Variants in KCNIP4 observed in about 807,000 individuals in gnomAD.
KCNIP4 encodes the protein potassium voltage-gated channel interacting protein 4.
A neutral mutation model predicts 34.0 loss-of-function variants in KCNIP4; 12 were observed. The ratio of observed to expected loss-of-function variants is 0.35; its 90% CI spans 0.23 to 0.57. KCNIP4 has a LOEUF of 0.57. KCNIP4 is among the 20% of genes least tolerant of loss of function. KCNIP4 has a pLI of 0.83. For missense variants in KCNIP4, 238 were observed against 311.7 expected, an observed-to-expected ratio of 0.76 and a Z score of 1.78; for synonymous variants, 124 against 102.2, an observed-to-expected ratio of 1.21 and a Z score of -1.29.
intron 3 of KCNIP4, among the ~76,000 whole-genome samples, chr4:20,788,542 G>A (rs950803417): frequency 3.3e-5 from 5 of 152,098 alleles, no homozygotes; most frequent in African/African-American, 1.2e-4. Context: ...TCTCAGCACA[G>A]TAAACATGTA....
intron 1 of KCNIP4, among the ~76,000 whole-genome samples, chr4:21,200,378 G>GTATGTATATATATATACACACATATA (rs1553953278): frequency 1.9e-5 from 1 of 52,068 alleles, no homozygotes. Flanking sequence ...ATACATATAT[G>GTATGTATATATATATACACACATATA]TGTGTATATA....
intron 1 of KCNIP4, among the ~76,000 whole-genome samples, chr4:21,156,142 A>C (rs1753132362): frequency 6.6e-6 from 1 of 152,198 alleles, no homozygotes; most frequent in Admixed American, 6.6e-5. Flanking sequence ...CAGATGTTAC[A>C]GACTACATAG....
At chr4:21,452,115 T>C (rs1433157689) in intron 1 of KCNIP4, among the ~76,000 whole-genome samples, 5 of 152,052 alleles carry the variant, frequency 3.3e-5, no homozygotes, top group Non-Finnish European at 2.9e-5. Context: ...CACAGGGACG[T>C]AGGCACTGAG....
intron 1 of KCNIP4, among the ~76,000 whole-genome samples, chr4:21,362,770 A>G (rs1719359994): frequency 6.6e-6 from 1 of 152,116 alleles, no homozygotes; most frequent in African/African-American, 2.4e-5. Context: ...ATATTCTTGT[A>G]TATTGTTTAA....
chr4:21,664,790 AT>A (rs1748713370), intron 1 of KCNIP4, among the ~76,000 whole-genome samples: 2 of 152,140 alleles, frequency 1.3e-5, no homozygotes, highest in Admixed American at 6.5e-5. Context: ...CCTATGGACT[AT>A]TTTTTAAATG....
chr4:21,387,090 T>C (rs144718579), intron 1 of KCNIP4, among the ~76,000 whole-genome samples: 54 of 152,258 alleles, frequency 3.5e-4, no homozygotes, highest in African/African-American at 1.2e-3. Flanking sequence ...ACTTAGAACA[T>C]GTTATCTTTA....
chr4:21,627,946 C>T (rs895335802), intron 1 of KCNIP4, among the ~76,000 whole-genome samples: 6 of 152,072 alleles, frequency 3.9e-5, no homozygotes, highest in African/African-American at 1.4e-4. Context: ...ATGGAATTTA[C>T]TCAACTTTTA....
intron 1 of KCNIP4, among the ~76,000 whole-genome samples, chr4:21,268,553 A>G (rs1761955763): frequency 6.6e-6 from 1 of 152,152 alleles, no homozygotes. Flanking sequence ...AATGAGTCTG[A>G]CTTTGTCTTG....
intron 1 of KCNIP4, among the ~76,000 whole-genome samples, chr4:20,991,472 G>A (rs917480092): frequency 1.3e-5 from 2 of 151,966 alleles, no homozygotes; most frequent in African/African-American, 4.8e-5. Context: ...GAAGAAACAG[G>A]CAATTCTTTA....
At chr4:21,432,805 C>A (rs770958144) in intron 1 of KCNIP4, among the ~76,000 whole-genome samples, 4 of 152,042 alleles carry the variant, frequency 2.6e-5, no homozygotes, top group Non-Finnish European at 4.4e-5. Context: ...TTAAGAGTAG[C>A]AGGCTACAAA....
chr4:21,219,894 A>G (rs1282866089), intron 1 of KCNIP4, among the ~76,000 whole-genome samples: 1 of 152,198 alleles, frequency 6.6e-6, no homozygotes, highest in East Asian at 1.9e-4. Flanking sequence ...TTAAAAACTT[A>G]CTGAGTTCTT....
rs1415752950 is a variant in KCNIP4 at position 21,866,871 on chromosome 4, A to G, written c.61+81700T>C. 1.4e-4 allele frequency among the ~76,000 whole-genome samples: 20 copies of G among 140,652 alleles called. No individual in the cohort carries two copies. The Admixed American group carries it at 1.6e-3, about 11-fold the overall frequency. The allele number at this position is 140,652 out of a possible 152,430, so 92.3% of individuals were successfully genotyped here. A position where few individuals can be genotyped will look rare whatever the true frequency, so the allele number is the denominator to read the frequency against. On this transcript the variant is annotated intron_variant, in intron 1 of 8. Transcript: ENST00000382152. ...ACTGCAAGCTCCGCCTCCCAGGTTC[A>G]CGCCATTCTCCTGCCTCAGCCTCCC...
intron 1 of KCNIP4, among the ~76,000 whole-genome samples, chr4:21,422,659 TTGTG>T (rs3083787): frequency 0.093 from 13,772 of 147,642 alleles, 646 homozygotes; most frequent in East Asian, 0.18. Flanking sequence ...ATGTGTGTGT[TTGTG>T]TGTGTGTGTG....
At chr4:21,642,494 T>A (rs1746684607) in intron 1 of KCNIP4, among the ~76,000 whole-genome samples, 1 of 152,174 alleles carries the variant, frequency 6.6e-6, no homozygotes, top group Admixed American at 6.5e-5. Flanking sequence ...ATATCCAAAA[T>A]ATGGTACTAT....
At chr4:21,659,316 A>C (rs1258388543) in intron 1 of KCNIP4, among the ~76,000 whole-genome samples, 1 of 152,172 alleles carries the variant, frequency 6.6e-6, no homozygotes, top group Non-Finnish European at 1.5e-5. Flanking sequence ...TTTAACCATA[A>C]ATTTTTAAAA....
intron 1 of KCNIP4, among the ~76,000 whole-genome samples, chr4:21,725,209 C>A (rs979572746): frequency 2.6e-5 from 4 of 152,144 alleles, no homozygotes; most frequent in Non-Finnish European, 2.9e-5. Context: ...GAAAATCAGA[C>A]TTCTTAGTAA....
At chr4:20,960,387 A>G (rs577024677) in intron 1 of KCNIP4, among the ~76,000 whole-genome samples, 1 of 152,358 alleles carries the variant, frequency 6.6e-6, no homozygotes, top group East Asian at 1.9e-4. Context: ...AAAATTAGGC[A>G]CAGCCAGGAA....
At chr4:21,687,061 T>C (rs953301139) in intron 1 of KCNIP4, among the ~76,000 whole-genome samples, 21 of 144,906 alleles carry the variant, frequency 1.4e-4, no homozygotes, top group Non-Finnish European at 2.8e-4. Flanking sequence ...CAGTAAACTA[T>C]CGCAAGAACA....
intron 3 of KCNIP4, among the ~76,000 whole-genome samples, chr4:20,825,232 T>A (rs1215772307): frequency 2.1e-4 from 5 of 24,214 alleles, no homozygotes; most frequent in South Asian, 1.1e-3. Flanking sequence ...TACGTTTTTT[T>A]TTTTTTTTTT....
Sources: allele counts gnomAD v4.1 joint callset (sites outside exome capture counted in the v4.1 genomes callset), GRCh38; gene constraint gnomAD v4.1.1; transcripts MANE v1.5; gene names NCBI Gene and HGNC (gene_info 2026-07-23, HGNC 2026-07-21).